The following LRBA variants were observed in gnomAD, a reference collection of about 807,000 sequenced individuals.
LRBA encodes the protein LPS responsive beige-like anchor protein.
Under a neutral mutation model 330.0 loss-of-function variants are expected in LRBA, and 176 were observed. That is an observed-to-expected ratio of 0.53 (90% CI 0.47 to 0.60). The LOEUF is 0.60. Among genes scored for constraint, LRBA ranks in the 20% least tolerant of loss-of-function variants. The probability of loss-of-function intolerance (pLI) is 0.00; values close to 1 mark genes in which losing one functional copy is unlikely to be tolerated. For synonymous variants in LRBA, 1,230 were observed against 1,193.0 expected (o/e 1.03, Z -0.64); for missense variants, 3,259 against 3,444.8 (o/e 0.95, Z 1.35).
At position 150,264,567 on chromosome 4, in the gene LRBA, A is replaced by T. The variant is rs1745071725; in HGVS notation, c.*1155T>A. On this transcript the variant is annotated 3_prime_UTR_variant, in exon 57 of 57. Coordinates refer to ENST00000651943, the MANE Select transcript of LRBA (RefSeq NM_001364905.1). Reference sequence around the variant, plus strand: ...CTTTTTCTGTCAAACTGAATTGTTCATTCCAAATCCTTGCTTTTAGAGAAG... The same window carrying T: ...CTTTTTCTGTCAAACTGAATTGTTCTTTCCAAATCCTTGCTTTTAGAGAAG... 1 of 152,410 alleles carries T rather than the reference A, an allele frequency of 6.6e-6. No homozygotes were observed. Among genetic ancestry groups the T allele is most frequent in the Non-Finnish European group, 1.5e-5 (1 of 68,042 alleles). 9.4% of individuals were successfully genotyped at this position (152,410 alleles called of 1,614,324 possible). A position where few individuals can be genotyped will look rare whatever the true frequency, so the allele number is the denominator to read the frequency against.
chr4:150,815,804 A>C (rs1236125248), intron 31 of LRBA, among the ~76,000 whole-genome samples: 1 of 151,948 alleles, frequency 6.6e-6, no homozygotes. Context: ...TTTACCATGT[A>C]AAGAAGGTAG....
chr4:150,859,636 G>A (rs1272607232), intron 22 of LRBA, among the ~76,000 whole-genome samples: 1 of 152,164 alleles, frequency 6.6e-6, no homozygotes, highest in Non-Finnish European at 1.5e-5. Flanking sequence ...TGCTGGAGGA[G>A]AGGCATATAG....
chr4:150,334,730 AC>A (rs374021015), intron 48 of LRBA, among the ~76,000 whole-genome samples: 151 of 151,872 alleles, frequency 9.9e-4, no homozygotes, highest in African/African-American at 3.6e-3. Context: ...AATAAGCATA[AC>A]AAAACAATTT....
At chr4:150,735,425 A>T in intron 35 of LRBA, 59 bp from the exon 36 acceptor site, 2 of 1,108,514 alleles carry the variant, frequency 1.8e-6, no homozygotes, top group South Asian at 2.5e-5. Context: ...ATAAATGATT[A>T]TTCACTGCTT....
chr4:150,998,781 T>C (rs1217279922), intron 2 of LRBA, among the ~76,000 whole-genome samples: 1 of 152,224 alleles, frequency 6.6e-6, no homozygotes, highest in Admixed American at 6.5e-5. Flanking sequence ...CTCATCTGCC[T>C]GTATGTATAA....
intron 30 of LRBA, among the ~76,000 whole-genome samples, chr4:150,819,101 T>C (rs1745039505): frequency 6.6e-6 from 1 of 151,818 alleles, no homozygotes; most frequent in African/African-American, 2.4e-5. Context: ...TACTGATGAA[T>C]GAAATGAAAA....
At chr4:150,638,123 C>G (rs1022716476) in intron 37 of LRBA, among the ~76,000 whole-genome samples, 10 of 151,736 alleles carry the variant, frequency 6.6e-5, no homozygotes, top group Non-Finnish European at 1.2e-4. Context: ...CCTCTGCCTC[C>G]TGGGTTCAAG....
At chr4:150,772,760 T>C (rs960664695) in intron 34 of LRBA, among the ~76,000 whole-genome samples, 2 of 152,174 alleles carry the variant, frequency 1.3e-5, no homozygotes, top group African/African-American at 4.8e-5. Context: ...TGAAGCACCA[T>C]TAGATCTCCT....
At chr4:150,571,659 T>TTG (rs1554057208) in intron 40 of LRBA, among the ~76,000 whole-genome samples, 1 of 141,568 alleles carries the variant, frequency 7.1e-6, no homozygotes, top group East Asian at 2.0e-4. Flanking sequence ...GTTTTTTTTT[T>TTG]TTTTTTTTTT....
chr4:150,853,093 TAAGTCAATCAC>T (rs1750803985), intron 22 of LRBA, 150 bp from the exon 23 acceptor site: 1 of 439,164 alleles, frequency 2.3e-6, no homozygotes, highest in Non-Finnish European at 3.9e-6. Flanking sequence ...ATGATAAATG[TAAGTCAATCAC>T]AGAAATCTAA....
At chr4:150,621,962 C>A (rs1776336553) in intron 37 of LRBA, among the ~76,000 whole-genome samples, 2 of 152,196 alleles carry the variant, frequency 1.3e-5, no homozygotes, top group South Asian at 4.1e-4. Flanking sequence ...TTGACTTTTT[C>A]TTTCTCCTTG....
At chr4:150,841,560 T>C (rs1348595639) in intron 28 of LRBA, among the ~76,000 whole-genome samples, 1 of 152,218 alleles carries the variant, frequency 6.6e-6, no homozygotes, top group African/African-American at 2.4e-5. Context: ...ATTATGGTGA[T>C]TAAAAACCTT....
intron 35 of LRBA, among the ~76,000 whole-genome samples, chr4:150,755,024 C>G (rs568580410): frequency 6.6e-6 from 1 of 152,222 alleles, no homozygotes; most frequent in South Asian, 2.1e-4. Flanking sequence ...TGCTAATGGC[C>G]AACAGGGTCC....
chr4:150,473,920 T>C (rs1476249980), intron 42 of LRBA, among the ~76,000 whole-genome samples: 1 of 152,202 alleles, frequency 6.6e-6, no homozygotes, highest in Non-Finnish European at 1.5e-5. Context: ...TATCAGTCTG[T>C]GGCTTATTTC....
intron 47 of LRBA, among the ~76,000 whole-genome samples, chr4:150,357,932 A>C (rs949417450): frequency 2.6e-5 from 4 of 152,148 alleles, no homozygotes; most frequent in African/African-American, 9.6e-5. Flanking sequence ...TCTAGCAGGC[A>C]ACATAAAGAA....
At chr4:150,423,518 G>T in intron 46 of LRBA, 6 of 462,102 alleles carry the variant, frequency 1.3e-5, no homozygotes, top group Middle Eastern at 5.8e-4. Context: ...GGGTGTCCTG[G>T]AGCCACAGAG....
chr4:150,738,291 G>A (rs1057052100), intron 35 of LRBA, among the ~76,000 whole-genome samples: 2 of 151,990 alleles, frequency 1.3e-5, no homozygotes, highest in African/African-American at 4.8e-5. Flanking sequence ...GCAGCCGGCC[G>A]AATTCTGACA....
In LRBA at chr4:150,583,179, T is replaced by C; in HGVS notation, c.6330+4869A>G. 1 of 1,614,184 alleles carries C rather than the reference T, an allele frequency of 6.2e-7. No homozygotes were observed. The highest frequency in any genetic ancestry group is 8.5e-7 in the Non-Finnish European group (1 of 1,180,026). On this transcript the variant is annotated intron_variant, in intron 40 of 56. Transcript: ENST00000651943. The surrounding 1 kb of genome is among the most constrained non-coding windows in gnomAD (Gnocchi z 9.8). Reference sequence around the variant, plus strand: ...TCAAGGAAGTGGAGGTGCAGGAGCCTCGCTTCATCAGCTCCTTGAGCGAGA... The same window carrying C: ...TCAAGGAAGTGGAGGTGCAGGAGCCCCGCTTCATCAGCTCCTTGAGCGAGA...
At chr4:150,656,694 T>A (rs956540916) in intron 37 of LRBA, among the ~76,000 whole-genome samples, 1 of 152,172 alleles carries the variant, frequency 6.6e-6, no homozygotes, top group Non-Finnish European at 1.5e-5. Flanking sequence ...AAATAAATGT[T>A]TATTGGGCAC....
Sources: allele counts gnomAD v4.1 joint callset (sites outside exome capture counted in the v4.1 genomes callset), GRCh38; gene constraint gnomAD v4.1.1; non-coding constraint Gnocchi (gnomAD v3.1); transcripts MANE v1.5; gene names NCBI Gene and HGNC (gene_info 2026-07-23, HGNC 2026-07-21).